Variants in LLGL1 observed in about 807,000 individuals in gnomAD.
The protein encoded by LLGL1 is lethal(2) giant larvae protein homolog 1.
LLGL1 carries 58 observed loss-of-function variants against 110.6 expected under a neutral mutation model. That is an observed-to-expected ratio of 0.52 (90% CI 0.42 to 0.65). The LOEUF (loss-of-function observed/expected upper bound fraction) is 0.65. Ranked by LOEUF, LLGL1 falls within the 30% of genes least tolerant of loss-of-function variation. LLGL1 has a pLI of 0.00. For missense variants in LLGL1, 1,229 were observed against 1,462.1 expected, an observed-to-expected ratio of 0.84 and a Z score of 2.60; for synonymous variants, 674 against 607.2, an observed-to-expected ratio of 1.11 and a Z score of -1.62.
In LLGL1 at chr17:18,232,740, T is replaced by C. The variant is rs1009383308; in HGVS notation, c.330T>C (p.Cys110=). ...HLWEIVHHNG[C]AHLEEALSFQ... ...GGGAGATTGTCCACCATAATGGCTG[T>C]GCCCACCTGGAAGAAGCACTCAGTT... The change falls in exon 4 of 23, where the codon TGT becomes TGC. Residue 110 remains cysteine (C), a synonymous_variant. Coordinates refer to ENST00000316843, the MANE Select transcript of LLGL1 (RefSeq NM_004140.4). 6.2e-7 allele frequency: 1 copy of C among 1,614,126 alleles called. No homozygotes were observed. Among genetic ancestry groups the C allele is most frequent in the Non-Finnish European group, 8.5e-7 (1 of 1,180,034 alleles).
In LLGL1 at chr17:18,236,609, A is replaced by G; in HGVS notation, c.1355A>G (p.His452Arg). Residue 452 changes from histidine to arginine, a missense_variant and splice_region_variant, in exon 12 of 23, where the codon CAT becomes CGT. Coordinates refer to ENST00000316843, the MANE Select transcript of LLGL1 (RefSeq NM_004140.4). ...PSQRGLLLTG[H>R]EDGTVRFWDA... Reference sequence around the variant, plus strand: ...CCTGACATCTGCCCTCCCTGCAGCCATGAGGACGGCACCGTGAGGTTCTGG... The same window carrying G: ...CCTGACATCTGCCCTCCCTGCAGCCGTGAGGACGGCACCGTGAGGTTCTGG... 6.2e-7 allele frequency: 1 copy of G among 1,609,582 alleles called. No individual in the cohort carries two copies. Among genetic ancestry groups the G allele is most frequent in the Non-Finnish European group, 8.5e-7 (1 of 1,177,548 alleles).
intron 22 of LLGL1, 122 bp downstream of exon 22, chr17:18,242,944 C>T: frequency 1.1e-6 from 1 of 911,780 alleles, no homozygotes; most frequent in Admixed American, 3.0e-5. Flanking sequence ...TGATGGCACT[C>T]TCTGAAACCT....
intron 22 of LLGL1, among the ~76,000 whole-genome samples, chr17:18,243,617 CAT>C (rs1426717323): frequency 6.6e-6 from 1 of 152,234 alleles, no homozygotes; most frequent in Non-Finnish European, 1.5e-5. Flanking sequence ...TTTGCTGCCT[CAT>C]GTTCCCAGGC....
At position 18,238,081 on chromosome 17, in the gene LLGL1, C is replaced by A. The variant is rs1050330292; in HGVS notation, c.1919C>A (p.Pro640His). The A allele has an allele frequency of 6.2e-7, 1 of 1,613,648 alleles. No individual in the cohort carries two copies. The change falls in exon 15 of 23, where the codon CCC becomes CAC. Residue 640 changes from proline (P) to histidine (H), a missense_variant. Coordinates refer to ENST00000316843, the MANE Select transcript of LLGL1 (RefSeq NM_004140.4). ...SPVLARCTLH[P>H]NDSLAMEGPL... ...TCTTCCCCCAGGTGCACTCTTCACCCCAATGACTCCCTGGCCATGGAGGGT... is the reference window on the plus strand; with the variant it reads ...TCTTCCCCCAGGTGCACTCTTCACCACAATGACTCCCTGGCCATGGAGGGT...
rs1399620566 is a variant in LLGL1, at chr17:18,240,818, C to T, written c.2447C>T (p.Ala816Val). The T allele has an allele frequency of 1.9e-6, 3 of 1,574,476 alleles. No individual in the cohort carries two copies. Among genetic ancestry groups the T allele is most frequent in the South Asian group, 1.1e-5 (1 of 87,916 alleles). Residue 816 changes from alanine to valine, a missense_variant, in exon 17 of 23, where the codon GCA becomes GTA. Transcript: ENST00000316843. The surrounding 1 kb of genome is among the most constrained non-coding windows in gnomAD (Gnocchi z 5.3). ...GAGGCCTCACGGGACCTGGCGCAGG[C>T]ACCTGACATGCAGGGTGGTCACGCT... ...PYEASRDLAQAPDMQGGHAVL... is the reference protein window; with the variant it reads ...PYEASRDLAQVPDMQGGHAVL...
At chr17:18,239,031 C>T (rs1024517014) in intron 16 of LLGL1, among the ~76,000 whole-genome samples, 1 of 152,134 alleles carries the variant, frequency 6.6e-6, no homozygotes, top group Non-Finnish European at 1.5e-5. Context: ...TACCATCCAG[C>T]TCTCCCAGGG....
At chr17:18,229,883 G>A in intron 1 of LLGL1, 58 bp from the exon 2 acceptor site, 1 of 1,256,112 alleles carries the variant, frequency 8.0e-7, no homozygotes, top group South Asian at 1.3e-5. Context: ...GCCTCAGGGT[G>A]GGCCATGGCA....
At chr17:18,228,639 A>G (rs1193512054) in intron 1 of LLGL1, among the ~76,000 whole-genome samples, 1 of 152,178 alleles carries the variant, frequency 6.6e-6, no homozygotes, top group Non-Finnish European at 1.5e-5. Flanking sequence ...CCTCGTTTGT[A>G]AAATGGGAAG....
Position 18,234,978 on chromosome 17 carries a change from A to G in LLGL1, c.1045A>G (p.Thr349Ala), listed in dbSNP as rs752504126. 3 of 1,613,912 alleles carry G rather than the reference A, an allele frequency of 1.9e-6. No homozygotes were observed. The South Asian group carries it at 3.3e-5, about 18-fold the overall frequency. Residue 349 changes from threonine to alanine, a missense_variant, in exon 9 of 23, where the codon ACA becomes GCA. Transcript: ENST00000316843. Reference sequence around the variant, plus strand: ...CATCGACTTCTTCACAGTGCACAGCACACGGCCCGAGGATGGTGCGTGCCC... The same window carrying G: ...CATCGACTTCTTCACAGTGCACAGCGCACGGCCCGAGGATGGTGCGTGCCC... ...RIIDFFTVHS[T>A]RPEDEFDDPQ...
chr17:18,241,365 G>T, intron 17 of LLGL1, 86 bp from the exon 18 acceptor site: 1 of 1,501,118 alleles, frequency 6.7e-7, no homozygotes, highest in Non-Finnish European at 8.9e-7. Context: ...TGTGGTGGGG[G>T]CTGTTGGGTC....
rs372721254 is a variant in LLGL1 at position 18,241,658 on chromosome 17, A to G, written c.2710A>G (p.Ile904Val). 6.2e-7 allele frequency: 1 copy of G among 1,613,622 alleles called. No individual in the cohort carries two copies. The highest frequency in any genetic ancestry group is 8.5e-7 in the Non-Finnish European group (1 of 1,180,026). Residue 904 changes from isoleucine (I) to valine (V), a missense_variant, in exon 18 of 23, where the codon ATC becomes GTC. Transcript: ENST00000316843. ...GCGGCCCCAGGTGCACTATTCCTGC[A>G]TCCGGAAGGAGGACATCAGCGGCAT... ...GLRPQVHYSCIRKEDISGIAS... is the reference protein window; with the variant it reads ...GLRPQVHYSCVRKEDISGIAS...
At chr17:18,230,725 G>T (rs1349804332) in intron 2 of LLGL1, among the ~76,000 whole-genome samples, 2 of 152,174 alleles carry the variant, frequency 1.3e-5, no homozygotes, top group African/African-American at 4.8e-5. Context: ...TACCCCTCCT[G>T]TGTGGCCTTC....
At chr17:18,234,530 C>T (rs1006237077) in intron 7 of LLGL1, 119 bp from the exon 8 acceptor site, 25 of 1,575,612 alleles carry the variant, frequency 1.6e-5, no homozygotes, top group African/African-American at 2.7e-5. Context: ...TGTCTCCCGC[C>T]GACTTCCCGG....
chr17:18,235,406 C>A, intron 10 of LLGL1, 64 bp from the exon 11 acceptor site: 1 of 1,607,128 alleles, frequency 6.2e-7, no homozygotes. Flanking sequence ...GTGCCATACT[C>A]GGGGTGAGAG....
intron 11 of LLGL1, chr17:18,235,821 C>A: frequency 2.1e-6 from 1 of 473,584 alleles, no homozygotes. Context: ...CTGGCCCACG[C>A]TGAGCTGCCC....
chr17:18,229,970 C>T lies in LLGL1; in HGVS notation c.111C>T (p.Pro37=), dbSNP rs977234252. 5.6e-6 allele frequency: 9 copies of T among 1,611,942 alleles called. No homozygotes were observed. The highest frequency in any genetic ancestry group is 5.9e-6 in the Non-Finnish European group (7 of 1,179,658). The change falls in exon 2 of 23, where the codon CCC becomes CCT. Residue 37 remains proline, a synonymous_variant. Transcript: ENST00000316843. ...KTVEHGFPNQ[P]SALAFDPELR... ...TGGAGCATGGCTTCCCCAATCAGCC[C>T]AGCGCCCTGGCCTTCGACCCGGAAC...
chr17:18,237,457 C>A, intron 13 of LLGL1, 24 bp from the exon 14 acceptor site: 1 of 1,550,052 alleles, frequency 6.5e-7, no homozygotes, highest in Non-Finnish European at 8.7e-7. Context: ...CGCTGATGCT[C>A]CCCCTGCCTG....
At position 18,234,254 on chromosome 17, in the gene LLGL1, T is replaced by TGCCC; in HGVS notation, c.715-18_715-15dup. The TGCCC allele has an allele frequency of 1.9e-6, 3 of 1,594,146 alleles. No individual in the cohort carries two copies. Among genetic ancestry groups the TGCCC allele is most frequent in the African/African-American group, 2.7e-5 (2 of 74,666 alleles). ...CATGGCTCATGCCTGCCTGCCTGCC[T>TGCCC]GCCCCTGCCTGCCCGCAGCAGCTGG... On this transcript the variant is annotated intron_variant, in intron 6 of 22. Coordinates refer to ENST00000316843, the MANE Select transcript of LLGL1 (RefSeq NM_004140.4).
chr17:18,225,778 C>G lies in LLGL1; in HGVS notation c.81+15C>G, dbSNP rs1391741921. 88 of 639,920 alleles carry G rather than the reference C, an allele frequency of 1.4e-4. No homozygotes were observed. Among genetic ancestry groups the G allele is most frequent in the Non-Finnish European group, 1.6e-4 (82 of 515,270 alleles). The allele number at this position is 639,920 out of a possible 1,614,324, so 39.6% of individuals were successfully genotyped here. A position where few individuals can be genotyped will look rare whatever the true frequency, so the allele number is the denominator to read the frequency against. Reference sequence around the variant, plus strand: ...CCTTCAACAAGGTGCGGCGGCGGCCCGGGCCCGGGCTCGGGCGGGAGGGGG... The same window carrying G: ...CCTTCAACAAGGTGCGGCGGCGGCCGGGGCCCGGGCTCGGGCGGGAGGGGG... On this transcript the variant is annotated intron_variant, in intron 1 of 22. Transcript: ENST00000316843.
Sources: allele counts gnomAD v4.1 joint callset (sites outside exome capture counted in the v4.1 genomes callset), GRCh38; gene constraint gnomAD v4.1.1; non-coding constraint Gnocchi (gnomAD v3.1); transcripts MANE v1.5; gene names NCBI Gene and HGNC (gene_info 2026-07-23, HGNC 2026-07-21).